The following TTLL11 variants were observed in gnomAD, a reference collection of about 807,000 sequenced individuals.
TTLL11 encodes tubulin polyglutamylase TTLL11.
In TTLL11, 42 loss-of-function variants were observed where a neutral mutation model predicts 51.7. The ratio of observed to expected loss-of-function variants is 0.81; its 90% CI spans 0.64 to 1.05. TTLL11 has a LOEUF of 1.05. Among genes scored for constraint, TTLL11 ranks in the 50% least tolerant of loss-of-function variants. TTLL11 has a pLI of 0.00. For missense variants in TTLL11, 799 were observed against 940.4 expected (o/e 0.85, Z 1.97); for synonymous variants, 381 against 383.5 (o/e 0.99, Z 0.08).
chr9:121,891,097 T>G (rs1288020980), intron 6 of TTLL11, among the ~76,000 whole-genome samples: 2 of 152,194 alleles, frequency 1.3e-5, no homozygotes, highest in Non-Finnish European at 2.9e-5. Context: ...TTTAACCCCT[T>G]TTGAAGCCCT....
At chr9:121,903,180 A>G (rs1839828751) in intron 6 of TTLL11, among the ~76,000 whole-genome samples, 2 of 152,184 alleles carry the variant, frequency 1.3e-5, no homozygotes, top group Admixed American at 6.5e-5. Flanking sequence ...CACGCCTGCA[A>G]TGCAACAGGC....
At chr9:121,877,876 G>A (rs1278903245) in intron 6 of TTLL11, among the ~76,000 whole-genome samples, 6 of 152,086 alleles carry the variant, frequency 3.9e-5, no homozygotes, top group Non-Finnish European at 8.8e-5. Flanking sequence ...TGCATCATGC[G>A]GCCTCCATAC....
At chr9:121,826,551 G>GTGTATATATATATATATATA (rs1564260602) in intron 8 of TTLL11, among the ~76,000 whole-genome samples, 3 of 36,360 alleles carry the variant, frequency 8.3e-5, no homozygotes, top group Admixed American at 2.4e-4. Context: ...ATATATATAT[G>GTGTATATATATATATATATA]TGTGTGTATA....
intron 1 of TTLL11, among the ~76,000 whole-genome samples, chr9:122,046,994 T>C (rs1845024316): frequency 2.6e-5 from 4 of 152,020 alleles, no homozygotes; most frequent in Admixed American, 2.6e-4. Context: ...ATATGGTCCA[T>C]GGGGGAGAAG....
At chr9:121,857,329 C>A (rs1837857889) in intron 8 of TTLL11, among the ~76,000 whole-genome samples, 1 of 152,220 alleles carries the variant, frequency 6.6e-6, no homozygotes, top group South Asian at 2.1e-4. Context: ...AGTGAACAAG[C>A]ACTGCTTGGT....
intron 6 of TTLL11, among the ~76,000 whole-genome samples, chr9:121,959,739 C>A (rs376128221): frequency 6.6e-6 from 1 of 152,066 alleles, no homozygotes; most frequent in Non-Finnish European, 1.5e-5. Flanking sequence ...AAAACATAAA[C>A]CTCATCGTGT....
At chr9:122,087,153 G>A (rs1846146668) in intron 1 of TTLL11, among the ~76,000 whole-genome samples, 1 of 152,132 alleles carries the variant, frequency 6.6e-6, no homozygotes, top group Non-Finnish European at 1.5e-5. Flanking sequence ...TGACAGTGCA[G>A]TCTATTTTAG....
In TTLL11 at chr9:122,092,829, T is replaced by C. The variant is rs2131953536; in HGVS notation, c.320A>G (p.Asp107Gly). 6.4e-7 allele frequency: 1 copy of C among 1,557,246 alleles called. No individual in the cohort carries two copies. Among genetic ancestry groups the C allele is most frequent in the Non-Finnish European group, 8.6e-7 (1 of 1,158,700 alleles). ...GCTCCGCTTGCAGCTTCGGCCCTTG[T>C]CCCGGGGCTTCCCGTGCGGGCAGAG... ...QGLCPHGKPRDKGRSCKRSSG... is the reference protein window; with the variant it reads ...QGLCPHGKPRGKGRSCKRSSG... The change falls in exon 1 of 9, where the codon GAC becomes GGC. Residue 107 changes from aspartate (D) to glycine (G), a missense_variant. Asp to Gly is a moderately conservative substitution (Grantham distance 94, BLOSUM62 -1). Transcript: ENST00000321582.
intron 1 of TTLL11, among the ~76,000 whole-genome samples, chr9:122,055,207 A>AGATAGATAGAT (rs1554789340): frequency 6.8e-6 from 1 of 147,472 alleles, no homozygotes; most frequent in Admixed American, 6.7e-5. Context: ...CTAATAGGAT[A>AGATAGATAGAT]GATAGATAGA....
At chr9:121,859,547 T>C (rs1252104986) in intron 8 of TTLL11, among the ~76,000 whole-genome samples, 3 of 152,206 alleles carry the variant, frequency 2.0e-5, no homozygotes, top group Non-Finnish European at 4.4e-5. Flanking sequence ...AAACACCCTC[T>C]GTGAGAAAAA....
chr9:121,969,718 C>T (rs1176199185), intron 6 of TTLL11, among the ~76,000 whole-genome samples: 11 of 152,114 alleles, frequency 7.2e-5, no homozygotes, highest in Admixed American at 1.3e-4. Flanking sequence ...TCTGTGCAAA[C>T]GCTAGAAACC....
At chr9:122,039,489 C>A in intron 1 of TTLL11, 121 bp from the exon 2 acceptor site, 2 of 670,536 alleles carry the variant, frequency 3.0e-6, no homozygotes, top group Non-Finnish European at 5.2e-6. Flanking sequence ...CCTTATAATA[C>A]GCATATGAGG....
intron 6 of TTLL11, among the ~76,000 whole-genome samples, chr9:121,887,486 C>A (rs369614812): frequency 6.6e-6 from 1 of 152,204 alleles, no homozygotes; most frequent in Non-Finnish European, 1.5e-5. Flanking sequence ...CTTGGGTTGG[C>A]TACCAAGAAT....
chr9:122,053,955 C>T (rs1485654262), intron 1 of TTLL11, among the ~76,000 whole-genome samples: 1 of 152,134 alleles, frequency 6.6e-6, no homozygotes, highest in Non-Finnish European at 1.5e-5. Flanking sequence ...TACTCATCCT[C>T]TAATAGAGCC....
intron 6 of TTLL11, among the ~76,000 whole-genome samples, chr9:121,929,121 C>G (rs549445785): frequency 2.0e-5 from 3 of 152,154 alleles, no homozygotes; most frequent in African/African-American, 7.2e-5. Flanking sequence ...CCCAAAGGCC[C>G]CCAAACCACA....
intron 1 of TTLL11, among the ~76,000 whole-genome samples, chr9:122,076,009 C>T: frequency 6.6e-6 from 1 of 152,312 alleles, no homozygotes; most frequent in East Asian, 1.9e-4. Context: ...TGAATGCCTT[C>T]TCTGTGCCAG....
At chr9:121,855,804 T>C (rs10985422) in intron 8 of TTLL11, among the ~76,000 whole-genome samples, 78,763 of 152,086 alleles carry the variant, frequency 0.52, 21,187 homozygotes, top group East Asian at 0.72. Context: ...CTTTGCATGT[T>C]CCAGGCCATG....
chr9:121,978,449 C>CTTTATTTA (rs143223546), intron 4 of TTLL11, among the ~76,000 whole-genome samples: 12 of 148,350 alleles, frequency 8.1e-5, no homozygotes, highest in Admixed American at 1.3e-4. Flanking sequence ...AAGGAAAAAG[C>CTTTATTTA]TTTATTTATT....
chr9:121,831,036 T>C (rs1209772607), intron 8 of TTLL11, among the ~76,000 whole-genome samples: 3 of 152,166 alleles, frequency 2.0e-5, no homozygotes, highest in Non-Finnish European at 4.4e-5. Context: ...GATTAGATAC[T>C]GGATATGGTC....
Sources: allele counts gnomAD v4.1 joint callset (sites outside exome capture counted in the v4.1 genomes callset), GRCh38; gene constraint gnomAD v4.1.1; transcripts MANE v1.5; gene names NCBI Gene and HGNC (gene_info 2026-07-23, HGNC 2026-07-21).